The following USP45 variants were observed in gnomAD, a reference collection of about 807,000 sequenced individuals.
USP45 encodes the protein ubiquitin carboxyl-terminal hydrolase 45.
USP45 carries 89 observed loss-of-function variants against 95.8 expected under a neutral mutation model. That is an observed-to-expected ratio of 0.93 (90% CI 0.78 to 1.11). USP45 has a LOEUF of 1.11. Ranked by LOEUF, USP45 falls within the 50% of genes least tolerant of loss-of-function variation. The probability of loss-of-function intolerance (pLI) is 0.00; values close to 1 mark genes in which losing one functional copy is unlikely to be tolerated. For missense variants in USP45, 898 were observed against 942.5 expected (o/e 0.95, Z 0.62); for synonymous variants, 281 against 316.2 (o/e 0.89, Z 1.18).
rs543513389 is a variant in USP45 at position 99,508,525 on chromosome 6, T to C, written c.273+85A>G. ...ATTGGAATAAATTTATCTTAACTCC[T>C]ATGCATGACCAACAGTCCAACTCAC... is the stretch of plus-strand genomic sequence containing the variant. On this transcript the variant is annotated intron_variant, in intron 3 of 17. Transcript: ENST00000500704. 13 of 1,299,714 alleles carry C rather than the reference T, an allele frequency of 1.0e-5. No individual in the cohort carries two copies. The South Asian group carries it at 1.1e-4, about 11-fold the overall frequency. 80.5% of individuals were successfully genotyped at this position (1,299,714 alleles called of 1,614,324 possible).
rs921691904 is a variant in USP45, at chr6:99,505,655, A to C, written c.377+1773T>G. Among the ~76,000 whole-genome samples, 45 of 152,140 alleles carry C rather than the reference A, an allele frequency of 3.0e-4. No homozygotes were observed. The East Asian group carries it at 5.0e-3, about 17-fold the overall frequency. ...GATTCCATCTCAAAAAAAAAAAAAA[A>C]AAAAACATAATGCATTACACCAATG... On this transcript the variant is annotated intron_variant, in intron 4 of 17. Transcript: ENST00000500704.
intron 5 of USP45, among the ~76,000 whole-genome samples, chr6:99,497,451 G>A (rs1171658574): frequency 6.6e-6 from 1 of 152,120 alleles, no homozygotes; most frequent in Non-Finnish European, 1.5e-5. Context: ...TATTTAAAGA[G>A]TGAGTAAAAA....
At chr6:99,436,091 T>C (rs1250734594) in intron 17 of USP45, among the ~76,000 whole-genome samples, 1 of 151,978 alleles carries the variant, frequency 6.6e-6, no homozygotes, top group South Asian at 2.1e-4. Flanking sequence ...CCATGGTGGT[T>C]TGCTGCACCC....
At chr6:99,475,203 C>T (rs1348138887) in intron 9 of USP45, among the ~76,000 whole-genome samples, 1 of 152,020 alleles carries the variant, frequency 6.6e-6, no homozygotes, top group African/African-American at 2.4e-5. Context: ...AGAAAATTTA[C>T]AGAGCCAGAG....
chr6:99,462,565 A>G, intron 13 of USP45: 1 of 985,444 alleles, frequency 1.0e-6, no homozygotes, highest in Non-Finnish European at 1.2e-6. Context: ...AATAAAGCAT[A>G]TGCTCAAATT....
intron 15 of USP45, among the ~76,000 whole-genome samples, chr6:99,441,074 C>G (rs12195636): frequency 0.13 from 19,840 of 152,020 alleles, 1,852 homozygotes; most frequent in Non-Finnish European, 0.18. Flanking sequence ...CTGCATTTTC[C>G]ATATTAAAAT....
intron 9 of USP45, among the ~76,000 whole-genome samples, chr6:99,473,852 C>T (rs1218280519): frequency 1.3e-5 from 2 of 149,748 alleles, no homozygotes; most frequent in African/African-American, 5.0e-5. Flanking sequence ...AGAGACAATA[C>T]ATAGTACCAT....
rs1477578922 is a variant in USP45 at position 99,437,348 on chromosome 6, G to A, written c.2212C>T (p.His738Tyr). ...VLYGLYGIVEHSGSMREGHYT... is the reference protein window; with the variant it reads ...VLYGLYGIVEYSGSMREGHYT... ...TGGCCTTCTCTCATCGAGCCACTAT[G>A]TTCCACTATGCCATAGAGACCGTAG... Residue 738 changes from histidine to tyrosine, a missense_variant, in exon 17 of 18, where the codon CAT becomes TAT. By Grantham distance (83) the His-to-Tyr change is moderately conservative. Coordinates refer to ENST00000500704, the MANE Select transcript of USP45 (RefSeq NM_001346022.3). 6.2e-7 allele frequency: 1 copy of A among 1,613,794 alleles called. No homozygotes were observed. Among genetic ancestry groups the A allele is most frequent in the Non-Finnish European group, 8.5e-7 (1 of 1,179,910 alleles).
chr6:99,495,177 C>T (rs1484332806), intron 5 of USP45, among the ~76,000 whole-genome samples: 1 of 152,130 alleles, frequency 6.6e-6, no homozygotes, highest in Admixed American at 6.5e-5. Flanking sequence ...AGTTTTACAA[C>T]AGTAATCAAA....
chr6:99,459,578 T>C (rs919168855), intron 13 of USP45, among the ~76,000 whole-genome samples: 2 of 152,198 alleles, frequency 1.3e-5, no homozygotes, highest in East Asian at 1.9e-4. Flanking sequence ...TCTGCAACGG[T>C]TGAACTAATT....
At chr6:99,497,630 T>C (rs1177310340) in intron 5 of USP45, among the ~76,000 whole-genome samples, 8 of 152,222 alleles carry the variant, frequency 5.3e-5, no homozygotes, top group Admixed American at 4.6e-4. Flanking sequence ...GTTATACATA[T>C]ATAGGCATTC....
Position 99,510,188 on chromosome 6 carries a change from A to G in USP45, c.33T>C (p.Pro11=). The part of the protein sequence containing the change: MRVKDPTKAL[P]EKAKRSKRPT... ...GCCTTTTACTTCTTTTGGCTTTCTC[A>G]GGTAAAGCTTTAGTTGGATCTTTCA... Residue 11 remains proline (P), a synonymous_variant, in exon 2 of 18, where the codon CCT becomes CCC. Transcript: ENST00000500704. The G allele has an allele frequency of 6.2e-7, 1 of 1,613,960 alleles. No homozygotes were observed. The highest frequency in any genetic ancestry group is 1.1e-5 in the South Asian group (1 of 91,046).
chr6:99,447,775 C>A (rs1402059760), intron 13 of USP45, among the ~76,000 whole-genome samples: 1 of 152,194 alleles, frequency 6.6e-6, no homozygotes, highest in Non-Finnish European at 1.5e-5. Context: ...CTCCGAGTAG[C>A]CTAACTGGGA....
At position 99,434,151 on chromosome 6, in the gene USP45, T is replaced by C. The variant is rs1319381900; in HGVS notation, c.*1565A>G. On this transcript the variant is annotated 3_prime_UTR_variant, in exon 18 of 18. Transcript: ENST00000500704. The stretch of plus-strand genomic sequence containing the variant: ...TACTAACATTTCAACATCTTAAAAA[T>C]AGAATTTATGCAATGACATTTTTAA... 1.3e-5 allele frequency: 2 copies of C among 152,230 alleles called. No homozygotes were observed. Among genetic ancestry groups the C allele is most frequent in the South Asian group, 2.1e-4 (1 of 4,834 alleles). 9.4% of individuals were successfully genotyped at this position (152,230 alleles called of 1,614,324 possible). A position where few individuals can be genotyped will look rare whatever the true frequency, so the allele number is the denominator to read the frequency against.
intron 13 of USP45, among the ~76,000 whole-genome samples, chr6:99,456,270 A>G (rs1785076459): frequency 1.3e-5 from 2 of 152,048 alleles, no homozygotes; most frequent in Admixed American, 6.6e-5. Flanking sequence ...ACAAAGACAG[A>G]GTTAGAAGGA....
intron 5 of USP45, among the ~76,000 whole-genome samples, chr6:99,489,932 CAG>C (rs1462244790): frequency 1.3e-5 from 2 of 152,042 alleles, no homozygotes; most frequent in African/African-American, 4.8e-5. Context: ...GTCTGGGTGA[CAG>C]AGTGAGACTC....
chr6:99,488,393 T>C, intron 6 of USP45, 98 bp from the exon 7 acceptor site: 1 of 807,936 alleles, frequency 1.2e-6, no homozygotes, highest in Non-Finnish European at 1.9e-6. Context: ...AGCAAAAGTG[T>C]CTATTTCAAA....
At position 99,514,317 on chromosome 6, in the gene USP45, G is replaced by C. The variant is rs541891222; in HGVS notation, c.-11+1075C>G. 2.0e-5 allele frequency among the ~76,000 whole-genome samples: 3 copies of C among 152,284 alleles called. No individual in the cohort carries two copies. In the East Asian group the frequency reaches 5.8e-4, roughly 29 times the overall value. On this transcript the variant is annotated intron_variant, in intron 1 of 17. Transcript: ENST00000500704. Reference sequence around the variant, plus strand: ...GTGAAAATGCAGCAGTTTCCGCGCAGGGAAGCCCATTAAAGACTTGGTGTC... The same window carrying C: ...GTGAAAATGCAGCAGTTTCCGCGCACGGAAGCCCATTAAAGACTTGGTGTC...
intron 5 of USP45, among the ~76,000 whole-genome samples, chr6:99,499,663 G>A (rs955115322): frequency 5.3e-5 from 8 of 152,108 alleles, no homozygotes; most frequent in African/African-American, 1.2e-4. Context: ...TCAAAAGCCC[G>A]TGCCCCACCA....
Sources: allele counts gnomAD v4.1 joint callset (sites outside exome capture counted in the v4.1 genomes callset), GRCh38; gene constraint gnomAD v4.1.1; transcripts MANE v1.5; gene names NCBI Gene and HGNC (gene_info 2026-07-23, HGNC 2026-07-21).